The following L3MBTL1 variants were observed in gnomAD, a reference collection of about 807,000 sequenced individuals.
L3MBTL1 encodes the protein lethal(3)malignant brain tumor-like protein 1.
L3MBTL1 carries 75 observed loss-of-function variants against 105.3 expected under a neutral mutation model. The observed-to-expected ratio is 0.71, with a 90% CI of 0.59 to 0.86. The LOEUF is 0.86. Among genes scored for constraint, L3MBTL1 ranks in the 40% least tolerant of loss-of-function variants. The pLI is 0.00. For synonymous variants in L3MBTL1, 452 were observed against 436.2 expected, an observed-to-expected ratio of 1.04 and a Z score of -0.45; for missense variants, 1,069 against 1,126.4, an observed-to-expected ratio of 0.95 and a Z score of 0.73.
intron 16 of L3MBTL1, 51 bp downstream of exon 16, chr20:43,534,993 C>A: frequency 7.5e-7 from 1 of 1,331,114 alleles, no homozygotes; most frequent in Non-Finnish European, 1.0e-6. Flanking sequence ...CAGGTTCTGA[C>A]AATCCTATAG....
At chr20:43,518,108 C>T (rs1005365720) in intron 7 of L3MBTL1, among the ~76,000 whole-genome samples, 12 of 151,652 alleles carry the variant, frequency 7.9e-5, no homozygotes, top group African/African-American at 2.9e-4. Context: ...GCATACTACT[C>T]ACTGTCTCAA....
intron 19 of L3MBTL1, chr20:43,539,718 C>G: frequency 3.9e-6 from 1 of 257,518 alleles, no homozygotes. Flanking sequence ...GAAAGTTGGT[C>G]GTGGCCCGGA....
At chr20:43,520,481 T>C (rs1382503002) in intron 7 of L3MBTL1, among the ~76,000 whole-genome samples, 4 of 152,218 alleles carry the variant, frequency 2.6e-5, no homozygotes, top group Non-Finnish European at 4.4e-5. Context: ...TCACACTGTT[T>C]TTCAAAGTGT....
chr20:43,534,782 G>C, intron 15 of L3MBTL1, 46 bp from the exon 16 acceptor site: 1 of 1,417,364 alleles, frequency 7.1e-7, no homozygotes, highest in Non-Finnish European at 9.9e-7. Flanking sequence ...TGGCTGAGCT[G>C]GGCTCCATGA....
intron 18 of L3MBTL1, among the ~76,000 whole-genome samples, chr20:43,547,643 T>G (rs1042462133): frequency 3.3e-5 from 5 of 152,154 alleles, no homozygotes; most frequent in African/African-American, 1.2e-4. Context: ...TCCTAGGTGA[T>G]ACTATGTACT....
downstream of L3MBTL1, among the ~76,000 whole-genome samples, chr20:43,546,432 G>C (rs1380581388): frequency 1.3e-5 from 2 of 152,186 alleles, no homozygotes; most frequent in Admixed American, 1.3e-4. Flanking sequence ...TGTCTGCCTT[G>C]GTTTCCTCAT....
rs866136718 is a variant in L3MBTL1, at chr20:43,517,091, C to G, written c.862+914C>G. Among the ~76,000 whole-genome samples the G allele has an allele frequency of 3.2e-4, 48 of 150,804 alleles. 1 individual carries two copies. Among genetic ancestry groups the G allele is most frequent in the Middle Eastern group, 3.5e-3 (1 of 284 alleles). ...GGATTACAGGTGTGAGGTACCACGC[C>G]TGGTCGTCTTTTTTTTTTTTTCTTT... is the stretch of plus-strand genomic sequence containing the variant. On this transcript the variant is annotated intron_variant, in intron 7 of 21. Coordinates refer to ENST00000418998, the MANE Select transcript of L3MBTL1 (RefSeq NM_001377303.1).
chr20:43,535,082 C>G (rs2019537873), intron 16 of L3MBTL1, 140 bp downstream of exon 16: 1 of 609,978 alleles, frequency 1.6e-6, no homozygotes, highest in Non-Finnish European at 2.9e-6. Flanking sequence ...TCCAGAATCC[C>G]CCATCTGCCC....
chr20:43,527,219 A>G (rs2019078624), intron 7 of L3MBTL1, among the ~76,000 whole-genome samples: 1 of 152,236 alleles, frequency 6.6e-6, no homozygotes, highest in South Asian at 2.1e-4. Context: ...TATGGTGGGT[A>G]TCTGCATTTC....
At chr20:43,523,930 G>A (rs2018872789) in intron 7 of L3MBTL1, among the ~76,000 whole-genome samples, 1 of 151,078 alleles carries the variant, frequency 6.6e-6, no homozygotes, top group African/African-American at 2.4e-5. Context: ...GGGAGGCGGA[G>A]GTTGCAGTGA....
At chr20:43,540,657 T>C in intron 20 of L3MBTL1, 96 bp from the exon 21 acceptor site, 2 of 1,185,634 alleles carry the variant, frequency 1.7e-6, no homozygotes, top group Non-Finnish European at 2.5e-6. Flanking sequence ...AAAAGCAGCA[T>C]TGGCACAGCT....
downstream of L3MBTL1, among the ~76,000 whole-genome samples, chr20:43,545,148 C>T (rs1978506522): frequency 1.3e-5 from 2 of 151,450 alleles, no homozygotes; most frequent in South Asian, 2.1e-4. Flanking sequence ...TCCGTAATCC[C>T]AGATGTCAGG....
Position 43,514,754 on chromosome 20 carries a change from C to G in L3MBTL1, c.480C>G (p.Gly160=). Residue 160 remains glycine, a synonymous_variant, in exon 4 of 22, where the codon GGC becomes GGG. Coordinates refer to ENST00000418998, the MANE Select transcript of L3MBTL1 (RefSeq NM_001377303.1). The part of the protein sequence containing the change: ...YEDGGAPAGD[G]EAGPQQAEDH... ...ATGGCGGGGCCCCGGCGGGAGATGGCGAGGCGGGCCCCCAACAGGCGGGTA... is the reference window on the plus strand; with the variant it reads ...ATGGCGGGGCCCCGGCGGGAGATGGGGAGGCGGGCCCCCAACAGGCGGGTA... 1 of 1,558,590 alleles carries G rather than the reference C, an allele frequency of 6.4e-7. No individual in the cohort carries two copies.
At chr20:43,549,226 C>G (rs1390229034) in exon 19 of L3MBTL1, 2 of 152,254 alleles carry the variant, frequency 1.3e-5, no homozygotes, top group Admixed American at 1.3e-4. Context: ...TAGCTTTGGA[C>G]CTCAGCCAAG....
At chr20:43,515,657 G>A in intron 6 of L3MBTL1, 1 of 533,934 alleles carries the variant, frequency 1.9e-6, no homozygotes, top group South Asian at 2.4e-5. Context: ...TTAAGACATA[G>A]TCAGGTGAAC....
chr20:43,514,293 T>C lies in L3MBTL1; in HGVS notation c.360+232T>C, dbSNP rs1394382169. The C allele has an allele frequency of 6.1e-6, 5 of 819,140 alleles. No homozygotes were observed. In the Admixed American group the frequency reaches 1.2e-4, roughly 19 times the overall value. The allele number at this position is 819,140 out of a possible 1,614,324, so 50.7% of individuals were successfully genotyped here. On this transcript the variant is annotated intron_variant, in intron 3 of 21. Coordinates refer to ENST00000418998, the MANE Select transcript of L3MBTL1 (RefSeq NM_001377303.1). ...GTGAGGCACTCTGGGACTGGGCCTG[T>C]GGGTGTCTGGGGGCGTGGCTTAGAC...
chr20:43,537,581 G>A (rs1243543942), intron 19 of L3MBTL1, among the ~76,000 whole-genome samples: 7 of 152,210 alleles, frequency 4.6e-5, no homozygotes, highest in African/African-American at 1.4e-4. Context: ...TGAATTTTGC[G>A]GGGACACATT....
intron 7 of L3MBTL1, among the ~76,000 whole-genome samples, chr20:43,519,859 A>G (rs2145405632): frequency 6.6e-6 from 1 of 152,286 alleles, no homozygotes; most frequent in East Asian, 1.9e-4. Context: ...GATGGTGCCC[A>G]ATTTGTCAAT....
Position 43,534,897 on chromosome 20 carries a change from G to A in L3MBTL1, c.1780G>A (p.Ala594Thr), listed in dbSNP as rs2019526912. ...CGCTGACCACCCAGACATCCACCCT[G>A]CCGGCTGGTGCTCCAAGACAGGACA... is the stretch of plus-strand genomic sequence containing the variant. ...IDADHPDIHP[A>T]GWCSKTGHPL... is the part of the protein sequence containing the mutation. Residue 594 changes from alanine (A) to threonine (T), a missense_variant, in exon 16 of 22, where the codon GCC becomes ACC. Coordinates refer to ENST00000418998, the MANE Select transcript of L3MBTL1 (RefSeq NM_001377303.1). 6.2e-7 allele frequency: 1 copy of A among 1,608,324 alleles called. No individual in the cohort carries two copies. Among genetic ancestry groups the A allele is most frequent in the Middle Eastern group, 1.7e-4 (1 of 6,048 alleles).
Sources: gnomAD v4.1 joint callset for allele counts (sites outside exome capture counted in the v4.1 genomes callset) on GRCh38, gnomAD v4.1.1 for gene constraint, MANE v1.5 for transcripts, NCBI Gene and HGNC (gene_info 2026-07-23, HGNC 2026-07-21) for gene names.